The following B3GALT1 variants were observed in gnomAD, a reference collection of about 807,000 sequenced individuals.
The protein encoded by B3GALT1 is UDP-Gal:betaGlcNAc beta 1,3-galactosyltransferase, polypeptide 1.
In B3GALT1, 10 loss-of-function variants were observed where a neutral mutation model predicts 23.2. The observed-to-expected ratio is 0.43, with a 90% CI of 0.27 to 0.73. The LOEUF is 0.73. Ranked by LOEUF, B3GALT1 falls within the 30% of genes least tolerant of loss-of-function variation. B3GALT1 has a pLI of 0.21. For missense variants in B3GALT1, 299 were observed against 405.4 expected, an observed-to-expected ratio of 0.74 and a Z score of 2.25; for synonymous variants, 156 against 141.5, an observed-to-expected ratio of 1.10 and a Z score of -0.73.
At chr2:167,351,707 C>G (rs1431038407) in intron 1 of B3GALT1, among the ~76,000 whole-genome samples, 1 of 152,168 alleles carries the variant, frequency 6.6e-6, no homozygotes, top group Non-Finnish European at 1.5e-5. Flanking sequence ...TTTAAAGGGA[C>G]TGAAACATTT....
At chr2:167,839,948 A>G (rs1246298848) in intron 4 of B3GALT1, among the ~76,000 whole-genome samples, 2 of 152,010 alleles carry the variant, frequency 1.3e-5, no homozygotes, top group Admixed American at 6.5e-5. Flanking sequence ...CTATTTAATA[A>G]ATGGTGCTGG....
At chr2:167,837,820 A>C (rs1689518823) in intron 4 of B3GALT1, among the ~76,000 whole-genome samples, 1 of 151,698 alleles carries the variant, frequency 6.6e-6, no homozygotes, top group South Asian at 2.1e-4. Flanking sequence ...AAATTATAAC[A>C]AACTCTCTCT....
At position 167,293,002 on chromosome 2, in the gene B3GALT1, G is replaced by C. The variant is rs531369383; in HGVS notation, c.-843G>C. On this transcript the variant is annotated 5_prime_UTR_variant, in exon 1 of 5. Transcript: ENST00000392690. ...CGGGCGTTGTCAGTCGCCGAGGCCA[G>C]AGCCATCGCCGGGGAAGCGCAGCCG... 6.6e-6 allele frequency among the ~76,000 whole-genome samples: 1 copy of C among 152,056 alleles called. No individual in the cohort carries two copies. The highest frequency in any genetic ancestry group is 1.5e-5 in the Non-Finnish European group (1 of 67,994).
intron 3 of B3GALT1, among the ~76,000 whole-genome samples, chr2:167,740,098 C>A (rs1237371822): frequency 1.4e-5 from 2 of 142,918 alleles, no homozygotes; most frequent in Non-Finnish European, 3.0e-5. Context: ...GACTCTGTCT[C>A]TAAATAAATA....
chr2:167,365,823 A>G (rs1029907529), intron 1 of B3GALT1, among the ~76,000 whole-genome samples: 19 of 152,310 alleles, frequency 1.2e-4, no homozygotes, highest in African/African-American at 4.6e-4. Context: ...AATAATGACA[A>G]TAATTATTGA....
chr2:167,394,555 A>T (rs901566770), intron 1 of B3GALT1, among the ~76,000 whole-genome samples: 2 of 151,800 alleles, frequency 1.3e-5, no homozygotes, highest in African/African-American at 4.8e-5. Context: ...TATGTTGGGG[A>T]TCCTTTGAAG....
chr2:167,542,021 C>T (rs1683541000), intron 2 of B3GALT1, among the ~76,000 whole-genome samples: 1 of 152,088 alleles, frequency 6.6e-6, no homozygotes, highest in African/African-American at 2.4e-5. Flanking sequence ...TTTGAAAAGA[C>T]ATTAAATTCT....
chr2:167,548,962 A>G (rs1190273072), intron 2 of B3GALT1, among the ~76,000 whole-genome samples: 1 of 152,128 alleles, frequency 6.6e-6, no homozygotes, highest in Non-Finnish European at 1.5e-5. Context: ...TTAATCTACA[A>G]TCCATATATA....
intron 1 of B3GALT1, among the ~76,000 whole-genome samples, chr2:167,332,300 C>G: frequency 6.6e-6 from 1 of 152,076 alleles, no homozygotes. Flanking sequence ...GGATCCAAAA[C>G]CAACAAGAAC....
chr2:167,463,824 T>C (rs370327935), intron 1 of B3GALT1, among the ~76,000 whole-genome samples: 2 of 152,214 alleles, frequency 1.3e-5, no homozygotes, highest in African/African-American at 4.8e-5. Flanking sequence ...TCTTTGAAAG[T>C]GAGAGATAAG....
chr2:167,812,568 A>G (rs1167896511), intron 3 of B3GALT1, among the ~76,000 whole-genome samples: 3 of 152,232 alleles, frequency 2.0e-5, no homozygotes, highest in African/African-American at 7.2e-5. Flanking sequence ...AATTACATCA[A>G]AATTTTAAAA....
intron 1 of B3GALT1, among the ~76,000 whole-genome samples, chr2:167,417,989 G>A (rs143322770): frequency 1.8e-3 from 267 of 152,250 alleles, no homozygotes; most frequent in African/African-American, 5.5e-3. Flanking sequence ...CAAAAGTTCC[G>A]CTGTGTTCTG....
intron 1 of B3GALT1, among the ~76,000 whole-genome samples, chr2:167,393,050 C>T (rs1339084656): frequency 2.6e-5 from 4 of 151,836 alleles, no homozygotes; most frequent in South Asian, 2.1e-4. Context: ...CTGGCTAACA[C>T]GGTGAAACCC....
chr2:167,436,188 G>T (rs1248414139), intron 1 of B3GALT1, among the ~76,000 whole-genome samples: 1 of 152,046 alleles, frequency 6.6e-6, no homozygotes, highest in Non-Finnish European at 1.5e-5. Context: ...TGCTCACCAA[G>T]GCCTAGAATG....
rs187882359 is a variant in B3GALT1 at position 167,733,404 on chromosome 2, A to G, written c.-351-85268A>G. ...AATTCTTAATCTTTCTTAAAACATTATGAGTTTTATTGAGATTTTTTTTTT... is the reference window on the plus strand; with the variant it reads ...AATTCTTAATCTTTCTTAAAACATTGTGAGTTTTATTGAGATTTTTTTTTT... On this transcript the variant is annotated intron_variant, in intron 3 of 4. Transcript: ENST00000392690. Among the ~76,000 whole-genome samples, 9 of 150,246 alleles carry G rather than the reference A, an allele frequency of 6.0e-5. No individual in the cohort carries two copies. In the East Asian group the frequency reaches 1.2e-3, roughly 20 times the overall value.
chr2:167,353,379 A>G (rs899191526), intron 1 of B3GALT1, among the ~76,000 whole-genome samples: 4 of 152,174 alleles, frequency 2.6e-5, no homozygotes, highest in Non-Finnish European at 4.4e-5. Context: ...CCCTTCTGCA[A>G]GTTGGATGAC....
At chr2:167,792,165 G>A (rs962016063) in intron 3 of B3GALT1, among the ~76,000 whole-genome samples, 1 of 152,042 alleles carries the variant, frequency 6.6e-6, no homozygotes, top group African/African-American at 2.4e-5. Context: ...TTAACTAAAG[G>A]TGAAGAAAGC....
chr2:167,346,869 T>C (rs1364227456), intron 1 of B3GALT1, among the ~76,000 whole-genome samples: 1 of 152,020 alleles, frequency 6.6e-6, no homozygotes, highest in African/African-American at 2.4e-5. Context: ...GAAAAAACAA[T>C]TTTCTACACA....
intron 3 of B3GALT1, among the ~76,000 whole-genome samples, chr2:167,705,204 T>C (rs139147654): frequency 7.9e-5 from 12 of 152,326 alleles, no homozygotes; most frequent in African/African-American, 2.9e-4. Flanking sequence ...AGTCAACGTA[T>C]ACTTGTTTGA....
Sources: allele counts gnomAD v4.1 joint callset (sites outside exome capture counted in the v4.1 genomes callset), GRCh38; gene constraint gnomAD v4.1.1; transcripts MANE v1.5; gene names NCBI Gene and HGNC (gene_info 2026-07-23, HGNC 2026-07-21).